The following PIK3C2G variants were observed in gnomAD, a reference collection of about 807,000 sequenced individuals.
PIK3C2G encodes phosphatidylinositol 3-kinase C2 domain-containing subunit gamma.
In PIK3C2G, 168 loss-of-function variants were observed where a neutral mutation model predicts 181.1. That is an observed-to-expected ratio of 0.93 (90% CI 0.82 to 1.05). The LOEUF is 1.05. Ranked by LOEUF, PIK3C2G falls within the 50% of genes least tolerant of loss-of-function variation. PIK3C2G has a pLI of 0.00. For synonymous variants in PIK3C2G, 573 were observed against 592.2 expected (o/e 0.97, Z 0.47); for missense variants, 1,869 against 1,732.8 (o/e 1.08, Z -1.40).
intron 30 of PIK3C2G, among the ~76,000 whole-genome samples, chr12:18,599,248 C>A (rs1343972631): frequency 6.6e-6 from 1 of 152,112 alleles, no homozygotes; most frequent in Non-Finnish European, 1.5e-5. Flanking sequence ...GGAACCAACC[C>A]AAATGTCCAA....
intron 24 of PIK3C2G, among the ~76,000 whole-genome samples, chr12:18,524,862 C>A (rs922451102): frequency 6.6e-6 from 1 of 151,388 alleles, no homozygotes; most frequent in South Asian, 2.1e-4. Flanking sequence ...GCCACCCACC[C>A]GGCCTGTGCC....
intron 32 of PIK3C2G, among the ~76,000 whole-genome samples, chr12:18,647,248 GT>G (rs1198200202): frequency 6.6e-6 from 1 of 152,006 alleles, no homozygotes; most frequent in Non-Finnish European, 1.5e-5. Context: ...AAATTGGTCT[GT>G]TTCATGGCCA....
chr12:18,497,705 G>T lies in PIK3C2G; in HGVS notation c.2973G>T (p.Met991Ile). 1 of 1,612,058 alleles carries T rather than the reference G, an allele frequency of 6.2e-7. No homozygotes were observed. Residue 991 changes from methionine to isoleucine, a missense_variant, in exon 22 of 33, where the codon ATG becomes ATT. Coordinates refer to ENST00000538779, the MANE Select transcript of PIK3C2G (RefSeq NM_001288772.2). ...TTTGGCTGCAGGAAGGCTTGGATAT[G>T]CAAATGATCATTTATAGATGTCTAT... ...DNIWLQEGLD[M>I]QMIIYRCLST... is the part of the protein sequence containing the mutation.
chr12:18,690,204 C>G, the PIK3C2G span, among the ~76,000 whole-genome samples: 1 of 151,000 alleles, frequency 6.6e-6, no homozygotes, highest in South Asian at 2.1e-4. Flanking sequence ...CAAAACACAT[C>G]TGTTTTTTGT....
At chr12:18,287,209 G>A (rs937385439) in intron 3 of PIK3C2G, among the ~76,000 whole-genome samples, 2 of 151,902 alleles carry the variant, frequency 1.3e-5, no homozygotes, top group African/African-American at 4.8e-5. Flanking sequence ...GGTTTGGTTT[G>A]CAGTGAATTT....
At chr12:18,696,322 CTATATATATATATATATA>C in the PIK3C2G span, 49 of 267,808 alleles carry the variant, frequency 1.8e-4, 2 homozygotes, top group African/African-American at 1.9e-3. Context: ...TAAAAAGCCA[CTATATATATATATATATA>C]TATATATATA....
the PIK3C2G span, among the ~76,000 whole-genome samples, chr12:18,702,109 A>G: frequency 5.3e-5 from 8 of 152,154 alleles, no homozygotes; most frequent in African/African-American, 1.7e-4. Context: ...TATTGCAATG[A>G]AAATGTTACA....
chr12:18,623,576 A>G (rs957741890), intron 31 of PIK3C2G, among the ~76,000 whole-genome samples: 2 of 151,738 alleles, frequency 1.3e-5, no homozygotes, highest in African/African-American at 4.8e-5. Context: ...TCTATGAGAG[A>G]TGAATTTGGA....
chr12:18,555,851 A>G lies in PIK3C2G; in HGVS notation c.3591-6852A>G, dbSNP rs142023282. Among the ~76,000 whole-genome samples the G allele has an allele frequency of 3.3e-4, 50 of 152,308 alleles. 2 individuals carry two copies. The East Asian group carries it at 6.4e-3, about 19-fold the overall frequency. On this transcript the variant is annotated intron_variant, in intron 26 of 32. Transcript: ENST00000538779. ...GCAAAGACTAAGGAATCAGATAAAC[A>G]TGAGTAGAATTCTTCAGTTACTACT...
At chr12:18,490,737 C>T (rs1940486508) in intron 19 of PIK3C2G, among the ~76,000 whole-genome samples, 2 of 152,122 alleles carry the variant, frequency 1.3e-5, no homozygotes, top group African/African-American at 4.8e-5. Flanking sequence ...TTGGATAGTA[C>T]TCCATCATGC....
At chr12:18,413,398 T>G (rs557515533) in intron 16 of PIK3C2G, among the ~76,000 whole-genome samples, 10 of 152,184 alleles carry the variant, frequency 6.6e-5, no homozygotes, top group Admixed American at 5.2e-4. Context: ...AAGAATTGAT[T>G]ATTGTACATG....
intron 15 of PIK3C2G, among the ~76,000 whole-genome samples, chr12:18,395,804 T>G (rs747024309): frequency 4.0e-5 from 6 of 151,576 alleles, no homozygotes; most frequent in Non-Finnish European, 8.9e-5. Context: ...AATTCATGGT[T>G]GGCTGTAATA....
At chr12:18,687,193 C>T in the PIK3C2G span, among the ~76,000 whole-genome samples, 1 of 152,078 alleles carries the variant, frequency 6.6e-6, no homozygotes, top group Admixed American at 6.6e-5. Flanking sequence ...CCATGACTTT[C>T]GCTCTAGAAG....
chr12:18,253,385 A>T (rs540230081), intron 1 of PIK3C2G, among the ~76,000 whole-genome samples: 1 of 152,338 alleles, frequency 6.6e-6, no homozygotes, highest in Admixed American at 6.5e-5. Context: ...TGTTAAAAAA[A>T]ATTGGTGCTT....
intron 1 of PIK3C2G, among the ~76,000 whole-genome samples, chr12:18,266,142 T>A (rs1458368329): frequency 6.6e-6 from 1 of 152,058 alleles, no homozygotes; most frequent in Non-Finnish European, 1.5e-5. Flanking sequence ...GGGCCCATTC[T>A]GTTTGCTATT....
At chr12:18,598,036 G>C (rs1021403583) in intron 30 of PIK3C2G, among the ~76,000 whole-genome samples, 18 of 152,032 alleles carry the variant, frequency 1.2e-4, no homozygotes, top group African/African-American at 4.1e-4. Context: ...ATGCTCATGG[G>C]TAGGAAGAAT....
intron 12 of PIK3C2G, among the ~76,000 whole-genome samples, chr12:18,370,529 T>TTTGAAAGA (rs1407994703): frequency 6.6e-6 from 1 of 152,170 alleles, no homozygotes; most frequent in African/African-American, 2.4e-5. Context: ...CTCTCTACAC[T>TTTGAAAGA]TTGGCTGTTA....
chr12:18,639,366 A>C (rs941498057), intron 31 of PIK3C2G, among the ~76,000 whole-genome samples: 1 of 152,150 alleles, frequency 6.6e-6, no homozygotes, highest in Non-Finnish European at 1.5e-5. Context: ...TTCACATGTG[A>C]ATATCACTGT....
intron 31 of PIK3C2G, among the ~76,000 whole-genome samples, chr12:18,617,793 T>A (rs1948672543): frequency 6.6e-6 from 1 of 152,114 alleles, no homozygotes; most frequent in Non-Finnish European, 1.5e-5. Flanking sequence ...TGGCAAACCC[T>A]CTATAGCGGA....
Sources: gnomAD v4.1 joint callset for allele counts (sites outside exome capture counted in the v4.1 genomes callset) on GRCh38, gnomAD v4.1.1 for gene constraint, MANE v1.5 for transcripts, NCBI Gene and HGNC (gene_info 2026-07-23, HGNC 2026-07-21) for gene names.